Variants in NTN1 observed in about 807,000 individuals in gnomAD.
NTN1 encodes the protein netrin 1, also known as netrin-1.
NTN1 carries 11 observed loss-of-function variants against 54.2 expected under a neutral mutation model. The ratio of observed to expected loss-of-function variants is 0.20; its 90% CI spans 0.13 to 0.34. The LOEUF is 0.34. Among genes scored for constraint, NTN1 ranks in the 10% least tolerant of loss-of-function variants. NTN1 has a pLI of 1.00. For missense variants in NTN1, 740 were observed against 893.1 expected, an observed-to-expected ratio of 0.83 and a Z score of 2.18; for synonymous variants, 371 against 382.0, an observed-to-expected ratio of 0.97 and a Z score of 0.33.
intron 6 of NTN1, among the ~76,000 whole-genome samples, chr17:9,222,657 T>G (rs1905399174): frequency 6.6e-6 from 1 of 152,090 alleles, no homozygotes; most frequent in East Asian, 1.9e-4. Context: ...GGAGGAGGCC[T>G]CACTATCCAG....
At chr17:9,035,334 A>G (rs1324968124) in intron 2 of NTN1, among the ~76,000 whole-genome samples, 1 of 152,208 alleles carries the variant, frequency 6.6e-6, no homozygotes, top group East Asian at 1.9e-4. Flanking sequence ...TCATCCATGT[A>G]TAGTAGTAGT....
At chr17:9,067,974 C>T (rs927696968) in intron 2 of NTN1, among the ~76,000 whole-genome samples, 3 of 152,032 alleles carry the variant, frequency 2.0e-5, no homozygotes, top group Admixed American at 6.6e-5. Flanking sequence ...TAAACCCAGC[C>T]GAGGTGGGAG....
intron 2 of NTN1, among the ~76,000 whole-genome samples, chr17:9,091,306 T>TGTA (rs1384859100): frequency 6.6e-6 from 1 of 151,898 alleles, no homozygotes; most frequent in East Asian, 1.9e-4. Flanking sequence ...CAGACTGGAG[T>TGTA]GTAGTGGTAG....
At chr17:9,073,133 C>T (rs1270641535) in intron 2 of NTN1, among the ~76,000 whole-genome samples, 2 of 152,212 alleles carry the variant, frequency 1.3e-5, no homozygotes, top group Non-Finnish European at 2.9e-5. Flanking sequence ...CTTTGCACAG[C>T]GGAGGCCCGG....
chr17:9,215,563 G>T (rs1451784181), intron 5 of NTN1, among the ~76,000 whole-genome samples: 1 of 152,140 alleles, frequency 6.6e-6, no homozygotes, highest in Non-Finnish European at 1.5e-5. Context: ...TACATAATTG[G>T]AACATTTTGT....
intron 5 of NTN1, among the ~76,000 whole-genome samples, chr17:9,184,211 T>C (rs931070376): frequency 6.6e-6 from 1 of 152,172 alleles, no homozygotes; most frequent in Non-Finnish European, 1.5e-5. Context: ...AGGACAGAAA[T>C]GCGTTTCAGG....
chr17:9,031,346 G>C (rs995969787), intron 2 of NTN1, among the ~76,000 whole-genome samples: 1 of 152,090 alleles, frequency 6.6e-6, no homozygotes, highest in Admixed American at 6.6e-5. Context: ...GCTTTGGGGC[G>C]GCCGTGGTGA....
rs115639771 is a variant in NTN1 at position 9,184,887 on chromosome 17, G to T, written c.1411+1918G>T. On this transcript the variant is annotated intron_variant, in intron 5 of 6. Coordinates refer to ENST00000173229, the MANE Select transcript of NTN1 (RefSeq NM_004822.3). ...CCGCCAGACAAAAGATTCCGGAGCAGCCGCTTATAAACACTGGCAGCCTCC... is the reference window on the plus strand; with the variant it reads ...CCGCCAGACAAAAGATTCCGGAGCATCCGCTTATAAACACTGGCAGCCTCC... Among the ~76,000 whole-genome samples the T allele has an allele frequency of 5.9e-3, 900 of 152,356 alleles. 9 individuals are homozygous for T. Among genetic ancestry groups the T allele is most frequent in the African/African-American group, 0.021 (853 of 41,586 alleles).
rs900555473 is a variant in NTN1, at chr17:9,212,471, C to T, written c.1412-8697C>T. ...AGCTTTCTGGTTCTAGATCAGGCAG[C>T]ACCAAACATACTTTCTGGGCAGACT... On this transcript the variant is annotated intron_variant, in intron 5 of 6. Coordinates refer to ENST00000173229, the MANE Select transcript of NTN1 (RefSeq NM_004822.3). The surrounding 1 kb of genome is among the most constrained non-coding windows in gnomAD (Gnocchi z 5.5). Among the ~76,000 whole-genome samples the T allele has an allele frequency of 6.6e-6, 1 of 152,240 alleles. No individual in the cohort carries two copies. The highest frequency in any genetic ancestry group is 6.5e-5 in the Admixed American group (1 of 15,284).
At chr17:9,035,239 C>T (rs1199571766) in intron 2 of NTN1, among the ~76,000 whole-genome samples, 1 of 152,212 alleles carries the variant, frequency 6.6e-6, no homozygotes, top group Non-Finnish European at 1.5e-5. Context: ...AGCCACCGTG[C>T]CCAGACGGGT....
intron 2 of NTN1, among the ~76,000 whole-genome samples, chr17:9,062,440 G>A (rs1407328617): frequency 1.3e-5 from 2 of 152,100 alleles, no homozygotes; most frequent in African/African-American, 4.8e-5. Context: ...TGTTACTCGA[G>A]CTTTCTGACA....
the NTN1 span, among the ~76,000 whole-genome samples, chr17:9,005,657 G>A: frequency 5.9e-4 from 90 of 152,240 alleles, no homozygotes; most frequent in African/African-American, 1.7e-3. Flanking sequence ...TTCTATGTGC[G>A]TCACATATGA....
chr17:9,167,947 CT>C (rs1477914079), intron 3 of NTN1, among the ~76,000 whole-genome samples: 1 of 152,172 alleles, frequency 6.6e-6, no homozygotes, highest in Non-Finnish European at 1.5e-5. Flanking sequence ...ATACTGCCGC[CT>C]GGATCCCACC....
At position 9,135,873 on chromosome 17, in the gene NTN1, C is replaced by T. The variant is rs1164793927; in HGVS notation, c.1019-26940C>T. Among the ~76,000 whole-genome samples, 1 of 152,178 alleles carries T rather than the reference C, an allele frequency of 6.6e-6. No homozygotes were observed. Among genetic ancestry groups the T allele is most frequent in the Non-Finnish European group, 1.5e-5 (1 of 68,038 alleles). Reference sequence around the variant, plus strand: ...TCCCTGAGCTCCTCTTCACACATGTCGACTGAGCACAGCCCATACTCAGAG... The same window carrying T: ...TCCCTGAGCTCCTCTTCACACATGTTGACTGAGCACAGCCCATACTCAGAG... On this transcript the variant is annotated intron_variant, in intron 2 of 6. Coordinates refer to ENST00000173229, the MANE Select transcript of NTN1 (RefSeq NM_004822.3). The surrounding 1 kb of genome is among the most constrained non-coding windows in gnomAD (Gnocchi z 4.4).
At chr17:9,129,132 A>C (rs568551258) in intron 2 of NTN1, among the ~76,000 whole-genome samples, 2 of 152,170 alleles carry the variant, frequency 1.3e-5, no homozygotes, top group Admixed American at 1.3e-4. Context: ...TAACACCCTC[A>C]ATTACGTCTT....
intron 2 of NTN1, among the ~76,000 whole-genome samples, chr17:9,045,656 T>A (rs2091939427): frequency 6.6e-6 from 1 of 151,876 alleles, no homozygotes; most frequent in Non-Finnish European, 1.5e-5. Context: ...ATTAATAGAA[T>A]AAGCCAGAAA....
chr17:9,198,675 T>C lies in NTN1; in HGVS notation c.1411+15706T>C, dbSNP rs187357888. On this transcript the variant is annotated intron_variant, in intron 5 of 6. Transcript: ENST00000173229. ...CAGCTGGTCTCAGTAATGACAGTCT[T>C]ACTGATATCTCTCACATCTCTTCTC... 6.6e-5 allele frequency among the ~76,000 whole-genome samples: 10 copies of C among 152,286 alleles called. No individual in the cohort carries two copies. In the East Asian group the frequency reaches 1.2e-3, roughly 18 times the overall value.
At chr17:9,131,354 G>T (rs2092264500) in intron 2 of NTN1, among the ~76,000 whole-genome samples, 1 of 152,068 alleles carries the variant, frequency 6.6e-6, no homozygotes, top group South Asian at 2.1e-4. Context: ...CTTCAATCAC[G>T]AGAAACAGGG....
At chr17:9,230,994 A>G (rs1429973764) in intron 6 of NTN1, among the ~76,000 whole-genome samples, 1 of 151,960 alleles carries the variant, frequency 6.6e-6, no homozygotes, top group East Asian at 1.9e-4. Context: ...GATCTGTCCA[A>G]GGTGCCCGGA....
Sources: gnomAD v4.1 joint callset for allele counts (sites outside exome capture counted in the v4.1 genomes callset) on GRCh38, gnomAD v4.1.1 for gene constraint, Gnocchi (gnomAD v3.1) non-coding constraint, MANE v1.5 for transcripts, NCBI Gene and HGNC (gene_info 2026-07-23, HGNC 2026-07-21) for gene names.